RFX8: variants seen among roughly 807,000 people sequenced by gnomAD.
RFX8 encodes DNA-binding protein RFX8.
Under a neutral mutation model 54.6 loss-of-function variants are expected in RFX8, and 46 were observed. That is an observed-to-expected ratio of 0.84 (90% CI 0.67 to 1.08). The LOEUF is 1.08. Ranked by LOEUF, RFX8 falls within the 50% of genes least tolerant of loss-of-function variation. The pLI, the probability that RFX8 is intolerant of heterozygous loss-of-function variation, is 0.00. For synonymous variants in RFX8, 192 were observed against 209.5 expected (o/e 0.92, Z 0.72); for missense variants, 536 against 562.3 (o/e 0.95, Z 0.47).
Position 101,414,919 on chromosome 2 carries a change from A to G in RFX8, c.503-7T>C. On this transcript the variant is annotated splice_region_variant and splice_polypyrimidine_tract_variant and intron_variant, in intron 6 of 11. Transcript: ENST00000428343. ...TTGACAAATAGAGTAACTTCTGTTA[A>G]GAACAACACACGTGGCCATTAATAC... The G allele has an allele frequency of 7.1e-6, 11 of 1,545,622 alleles. No homozygotes were observed. The highest frequency in any genetic ancestry group is 9.6e-6 in the Non-Finnish European group (11 of 1,142,816).
chr2:101,443,068 G>T (rs1300258036), intron 2 of RFX8, among the ~76,000 whole-genome samples: 2 of 152,132 alleles, frequency 1.3e-5, no homozygotes, highest in Non-Finnish European at 1.5e-5. Flanking sequence ...GATATTATTA[G>T]AGCAACTCAA....
At chr2:101,408,915 G>C (rs1257049786) in intron 9 of RFX8, among the ~76,000 whole-genome samples, 1 of 152,230 alleles carries the variant, frequency 6.6e-6, no homozygotes, top group African/African-American at 2.4e-5. Context: ...TGGCACAAGG[G>C]AGTGGCCACA....
intron 10 of RFX8, among the ~76,000 whole-genome samples, chr2:101,403,719 G>C (rs1391419690): frequency 6.6e-6 from 1 of 152,114 alleles, no homozygotes; most frequent in Non-Finnish European, 1.5e-5. Flanking sequence ...CCCAGGAGGC[G>C]GAGGTTGCAA....
intron 2 of RFX8, among the ~76,000 whole-genome samples, chr2:101,435,965 C>T (rs868067085): frequency 1.3e-5 from 2 of 152,164 alleles, no homozygotes; most frequent in African/African-American, 2.4e-5. Context: ...TGAAAACGAA[C>T]GCCCCCACCC....
At chr2:101,429,716 C>T (rs960368440) in intron 2 of RFX8, among the ~76,000 whole-genome samples, 5 of 152,108 alleles carry the variant, frequency 3.3e-5, no homozygotes, top group South Asian at 2.1e-4. Context: ...TTGATGGGTC[C>T]GTCCACTCCA....
intron 2 of RFX8, among the ~76,000 whole-genome samples, chr2:101,430,461 T>C (rs1179159502): frequency 6.6e-6 from 1 of 152,228 alleles, no homozygotes; most frequent in African/African-American, 2.4e-5. Flanking sequence ...GGTGTCCTTA[T>C]AAGAAGACCA....
At chr2:101,433,088 C>T (rs2310113) in intron 2 of RFX8, among the ~76,000 whole-genome samples, 63,054 of 151,970 alleles carry the variant, frequency 0.41, 15,114 homozygotes, top group Non-Finnish European at 0.51. Flanking sequence ...GGGAGGAGGG[C>T]TGAGAATTCC....
chr2:101,471,010 C>T (rs1221258766), intron 1 of RFX8, among the ~76,000 whole-genome samples: 2 of 149,970 alleles, frequency 1.3e-5, no homozygotes, highest in Admixed American at 6.6e-5. Context: ...TGAGCCACCG[C>T]GCCCGGCCTC....
intron 2 of RFX8, among the ~76,000 whole-genome samples, chr2:101,456,583 GC>G (rs1688973964): frequency 6.6e-6 from 1 of 152,148 alleles, no homozygotes; most frequent in Non-Finnish European, 1.5e-5. Flanking sequence ...TAGTGGATAA[GC>G]TTTTTGATGT....
chr2:101,429,028 G>T, intron 2 of RFX8: 1 of 1,518,580 alleles, frequency 6.6e-7, no homozygotes, highest in Non-Finnish European at 8.8e-7. Context: ...CACTGTGAAG[G>T]AACAGAAAAC....
intron 2 of RFX8, among the ~76,000 whole-genome samples, chr2:101,453,191 C>T (rs1237803428): frequency 6.7e-6 from 1 of 148,166 alleles, no homozygotes; most frequent in Non-Finnish European, 1.5e-5. Flanking sequence ...GCAGGAGAAT[C>T]ACTGGAACCA....
intron 2 of RFX8, among the ~76,000 whole-genome samples, chr2:101,465,464 C>T (rs1573489090): frequency 6.6e-6 from 1 of 152,102 alleles, no homozygotes. Flanking sequence ...GAGCCAAGAT[C>T]GTGCCACTGC....
At chr2:101,445,293 G>C (rs1335320769) in intron 2 of RFX8, among the ~76,000 whole-genome samples, 1 of 151,868 alleles carries the variant, frequency 6.6e-6, no homozygotes, top group Admixed American at 6.5e-5. Flanking sequence ...GCTTGTTCCA[G>C]ATCTTCACTT....
chr2:101,424,098 T>C (rs571388627), intron 2 of RFX8, among the ~76,000 whole-genome samples: 1 of 152,280 alleles, frequency 6.6e-6, no homozygotes, highest in South Asian at 2.1e-4. Context: ...GGTATAGATG[T>C]CTAAATAAAT....
chr2:101,401,350 C>G (rs908123), intron 11 of RFX8, among the ~76,000 whole-genome samples: 37 of 152,014 alleles, frequency 2.4e-4, no homozygotes, highest in Middle Eastern at 3.4e-3. Flanking sequence ...TCTCTGCAAT[C>G]GGAGAACTCG....
intron 2 of RFX8, among the ~76,000 whole-genome samples, chr2:101,422,824 C>A (rs1573395758): frequency 6.6e-6 from 1 of 152,230 alleles, no homozygotes; most frequent in South Asian, 2.1e-4. Context: ...CAACCCTTGT[C>A]CATGTAATTG....
At chr2:101,431,855 G>C (rs369726672) in intron 2 of RFX8, among the ~76,000 whole-genome samples, 6 of 152,184 alleles carry the variant, frequency 3.9e-5, no homozygotes, top group Non-Finnish European at 4.4e-5. Context: ...AGCCTGAAGG[G>C]ACGTGCCTGC....
At position 101,463,468 on chromosome 2, in the gene RFX8, C is replaced by T. The variant is rs141387927; in HGVS notation, c.72+3309G>A. Reference sequence around the variant, plus strand: ...TGGGTTCAGCCGGCTCATCCACCCTCTGTGCAGGCTGAGAATGGCTGCGAC... The same window carrying T: ...TGGGTTCAGCCGGCTCATCCACCCTTTGTGCAGGCTGAGAATGGCTGCGAC... On this transcript the variant is annotated intron_variant, in intron 2 of 11. Coordinates refer to ENST00000428343, the MANE Select transcript of RFX8 (RefSeq NM_001145664.2). Among the ~76,000 whole-genome samples the T allele has an allele frequency of 2.5e-3, 385 of 152,280 alleles. 3 individuals carry two copies. Among genetic ancestry groups the T allele is most frequent in the African/African-American group, 8.2e-3 (342 of 41,564 alleles).
Position 101,397,586 on chromosome 2 carries a change from C to T in RFX8, c.1384G>A (p.Glu462Lys), listed in dbSNP as rs1262188674. The T allele has an allele frequency of 7.1e-6, 11 of 1,549,320 alleles. No individual in the cohort carries two copies. The highest frequency in any genetic ancestry group is 7.0e-6 in the Non-Finnish European group (8 of 1,145,896). Reference sequence around the variant, plus strand: ...TTGTTTTCTCTGAAATAAATATCTTCAGAGCTTTGGGGTACATCTGATATC... The same window carrying T: ...TTGTTTTCTCTGAAATAAATATCTTTAGAGCTTTGGGGTACATCTGATATC... ...IQISDVPQSS[E>K]DIYFRENNAN... Residue 462 changes from glutamate to lysine, a missense_variant, in exon 12 of 12, where the codon GAA (glutamate) becomes AAA (lysine). Coordinates refer to ENST00000428343, the MANE Select transcript of RFX8 (RefSeq NM_001145664.2).
Sources: gnomAD v4.1 joint callset for allele counts (sites outside exome capture counted in the v4.1 genomes callset) on GRCh38, gnomAD v4.1.1 for gene constraint, MANE v1.5 for transcripts, NCBI Gene and HGNC (gene_info 2026-07-23, HGNC 2026-07-21) for gene names.